The following HIBADH variants were observed in gnomAD, a reference collection of about 807,000 sequenced individuals.
HIBADH encodes the protein 3-hydroxyisobutyrate dehydrogenase, mitochondrial.
In HIBADH, 25 loss-of-function variants were observed where a neutral mutation model predicts 36.1. The ratio of observed to expected loss-of-function variants is 0.69; its 90% CI spans 0.50 to 0.97. HIBADH has a LOEUF of 0.97. HIBADH is among the 50% of genes least tolerant of loss of function. The pLI is 0.00. For missense variants in HIBADH, 421 were observed against 418.0 expected (o/e 1.01, Z -0.06); for synonymous variants, 160 against 149.5 (o/e 1.07, Z -0.51).
At chr7:27,642,845 G>A (rs1359502306) in intron 2 of HIBADH, among the ~76,000 whole-genome samples, 1 of 151,886 alleles carries the variant, frequency 6.6e-6, no homozygotes, top group Non-Finnish European at 1.5e-5. Context: ...TAGAGACGGG[G>A]TTTCACCGTT....
intron 7 of HIBADH, among the ~76,000 whole-genome samples, chr7:27,530,084 C>T (rs890983587): frequency 1.3e-5 from 2 of 152,192 alleles, no homozygotes; most frequent in Non-Finnish European, 2.9e-5. Context: ...ATAGTATAAA[C>T]GTAATTTTTA....
chr7:27,620,228 G>A (rs1785513683), intron 4 of HIBADH, among the ~76,000 whole-genome samples: 1 of 152,072 alleles, frequency 6.6e-6, no homozygotes, highest in African/African-American at 2.4e-5. Flanking sequence ...TGGGGTTGGG[G>A]GGAATCGCTT....
chr7:27,585,914 C>T (rs1312942783), intron 4 of HIBADH, among the ~76,000 whole-genome samples: 1 of 151,946 alleles, frequency 6.6e-6, no homozygotes, highest in African/African-American at 2.4e-5. Context: ...CAGATGTAAA[C>T]TTTATTAACA....
In HIBADH at chr7:27,530,551, AAAC is replaced by A. The variant is rs1187216267; in HGVS notation, c.852+638_852+640del. Among the ~76,000 whole-genome samples the A allele has an allele frequency of 2.9e-3, 427 of 149,664 alleles. 2 individuals carry two copies. The highest frequency in any genetic ancestry group is 9.2e-3 in the African/African-American group (364 of 39,504). On this transcript the variant is annotated intron_variant, in intron 7 of 7. Transcript: ENST00000265395. ...AGGAAAAACAAACAAACAAACAAAC[AAAC>A]AAAAACCAACCCTCAACTGGGAGAA...
chr7:27,551,203 T>A (rs1784314407), intron 4 of HIBADH, among the ~76,000 whole-genome samples: 1 of 152,190 alleles, frequency 6.6e-6, no homozygotes, highest in Non-Finnish European at 1.5e-5. Context: ...TACATAAACA[T>A]GCATAAGCTA....
chr7:27,574,831 T>C (rs1346707281), intron 4 of HIBADH, among the ~76,000 whole-genome samples: 3 of 152,194 alleles, frequency 2.0e-5, no homozygotes, highest in African/African-American at 7.2e-5. Flanking sequence ...TTCTTCAAAA[T>C]AGAGCTATGT....
chr7:27,661,585 C>CAAAA (rs61214015), intron 1 of HIBADH, among the ~76,000 whole-genome samples: 5 of 68,740 alleles, frequency 7.3e-5, no homozygotes, highest in South Asian at 6.8e-4. Flanking sequence ...GACCCTGTCT[C>CAAAA]AAAAAAAAAA....
chr7:27,648,495 T>C (rs4722725), intron 2 of HIBADH, among the ~76,000 whole-genome samples: 23,825 of 152,202 alleles, frequency 0.16, 2,026 homozygotes, highest in Middle Eastern at 0.2. Context: ...CATTTTTCAG[T>C]ATTTACTTTC....
At chr7:27,646,262 T>C (rs1786068844) in intron 2 of HIBADH, among the ~76,000 whole-genome samples, 1 of 152,166 alleles carries the variant, frequency 6.6e-6, no homozygotes, top group Non-Finnish European at 1.5e-5. Flanking sequence ...AGTTTATAAA[T>C]AGGTTAACAG....
chr7:27,545,922 C>A (rs13227521), intron 4 of HIBADH, among the ~76,000 whole-genome samples: 20,860 of 152,072 alleles, frequency 0.14, 1,711 homozygotes, highest in Middle Eastern at 0.18. Context: ...TGATAAATAG[C>A]ATGGTAGAAA....
intron 4 of HIBADH, among the ~76,000 whole-genome samples, chr7:27,582,688 C>T (rs1452910261): frequency 6.6e-6 from 1 of 152,050 alleles, no homozygotes; most frequent in African/African-American, 2.4e-5. Flanking sequence ...AGGCTTCTCC[C>T]CACCTCAAAA....
intron 4 of HIBADH, among the ~76,000 whole-genome samples, chr7:27,573,134 G>A (rs1018403910): frequency 6.6e-6 from 1 of 152,290 alleles, no homozygotes; most frequent in East Asian, 1.9e-4. Flanking sequence ...GCAGAAAATT[G>A]TAAGTAGCTG....
At chr7:27,542,670 T>A (rs1784172862) in intron 5 of HIBADH, among the ~76,000 whole-genome samples, 1 of 151,894 alleles carries the variant, frequency 6.6e-6, no homozygotes, top group Admixed American at 6.6e-5. Context: ...CTGGCTGGTG[T>A]CAAACTCCTG....
chr7:27,595,142 A>G (rs888783384), intron 4 of HIBADH, among the ~76,000 whole-genome samples: 1 of 151,462 alleles, frequency 6.6e-6, no homozygotes, highest in African/African-American at 2.4e-5. Flanking sequence ...AAAAATTACC[A>G]TAAACTGAAT....
At chr7:27,596,834 A>G (rs1785041523) in intron 4 of HIBADH, among the ~76,000 whole-genome samples, 1 of 152,168 alleles carries the variant, frequency 6.6e-6, no homozygotes, top group Admixed American at 6.5e-5. Context: ...TCCTTTGAAC[A>G]TCATGTCAGT....
chr7:27,588,349 G>C (rs1006073997), intron 4 of HIBADH, among the ~76,000 whole-genome samples: 2 of 152,158 alleles, frequency 1.3e-5, no homozygotes, highest in African/African-American at 2.4e-5. Flanking sequence ...TTGTTTAAGA[G>C]ATACGGTCTC....
chr7:27,588,478 C>T (rs1216756781), intron 4 of HIBADH, among the ~76,000 whole-genome samples: 1 of 151,498 alleles, frequency 6.6e-6, no homozygotes. Context: ...CAGGTGTATG[C>T]CACCACACCC....
At position 27,591,608 on chromosome 7, in the gene HIBADH, A is replaced by G. The variant is rs192580954; in HGVS notation, c.484+37763T>C. On this transcript the variant is annotated intron_variant, in intron 4 of 7. Transcript: ENST00000265395. ...CACAAGTTCTGACTGCCTTCAGTGA[A>G]GAGCGTGGGAACTTTCATTATTTTG... Among the ~76,000 whole-genome samples, 560 of 152,316 alleles carry G rather than the reference A, an allele frequency of 3.7e-3. 7 individuals are homozygous for G. The highest frequency in any genetic ancestry group is 4.7e-3 in the Non-Finnish European group (323 of 68,010).
At chr7:27,619,994 T>C (rs1395260599) in intron 4 of HIBADH, among the ~76,000 whole-genome samples, 2 of 152,150 alleles carry the variant, frequency 1.3e-5, no homozygotes, top group Non-Finnish European at 2.9e-5. Flanking sequence ...TGCTAAAAGA[T>C]CTTCTTCACT....
Sources: gnomAD v4.1 joint callset for allele counts (sites outside exome capture counted in the v4.1 genomes callset) on GRCh38, gnomAD v4.1.1 for gene constraint, MANE v1.5 for transcripts, NCBI Gene and HGNC (gene_info 2026-07-23, HGNC 2026-07-21) for gene names.